The following PDE4B variants were observed in gnomAD, a reference collection of about 807,000 sequenced individuals.
PDE4B encodes the protein 3',5'-cyclic-AMP phosphodiesterase 4B.
In PDE4B, 20 loss-of-function variants were observed where a neutral mutation model predicts 82.2. The observed-to-expected ratio is 0.24, with a 90% confidence interval of 0.17 to 0.35. PDE4B has a LOEUF of 0.35. PDE4B is among the 10% of genes least tolerant of loss of function. The pLI, the probability that PDE4B is intolerant of heterozygous loss-of-function variation, is 1.00. For missense variants in PDE4B, 655 were observed against 907.2 expected (o/e 0.72, Z 3.57); for synonymous variants, 320 against 318.9 (o/e 1.00, Z -0.04).
intron 6 of PDE4B, among the ~76,000 whole-genome samples, chr1:66,258,902 G>T (rs1247471356): frequency 1.3e-5 from 2 of 152,122 alleles, no homozygotes; most frequent in Non-Finnish European, 2.9e-5. Flanking sequence ...AGATGACTCT[G>T]TATACTCTGA....
chr1:66,269,797 A>AT (rs1234463671), intron 7 of PDE4B, among the ~76,000 whole-genome samples: 6 of 152,084 alleles, frequency 3.9e-5, no homozygotes, highest in East Asian at 1.9e-4. Context: ...TTACAAAATG[A>AT]TTTTTTTGCT....
intron 4 of PDE4B, among the ~76,000 whole-genome samples, chr1:66,256,602 A>C (rs1654249170): frequency 6.6e-6 from 1 of 152,218 alleles, no homozygotes; most frequent in Admixed American, 6.5e-5. Flanking sequence ...ATGTCAAGTT[A>C]AAAGCCTATG....
At chr1:65,956,231 G>A (rs936689515) in intron 3 of PDE4B, among the ~76,000 whole-genome samples, 3 of 152,102 alleles carry the variant, frequency 2.0e-5, no homozygotes, top group African/African-American at 2.4e-5. Context: ...ATATATTTAA[G>A]GTTTGGGAAA....
intron 3 of PDE4B, among the ~76,000 whole-genome samples, chr1:66,237,811 A>G (rs1652580148): frequency 6.6e-6 from 1 of 152,200 alleles, no homozygotes; most frequent in Admixed American, 6.5e-5. Context: ...CACACAGTCA[A>G]TTATTCTTTC....
At chr1:66,273,515 GTGCATT>G (rs1322677686) in intron 7 of PDE4B, among the ~76,000 whole-genome samples, 1 of 152,218 alleles carries the variant, frequency 6.6e-6, no homozygotes, top group Non-Finnish European at 1.5e-5. Context: ...CTTCTGGAAA[GTGCATT>G]TTAACCCTTC....
At chr1:66,071,641 C>T (rs1656160123) in intron 3 of PDE4B, among the ~76,000 whole-genome samples, 1 of 152,066 alleles carries the variant, frequency 6.6e-6, no homozygotes, top group Admixed American at 6.6e-5. Context: ...CTGGCTGTCA[C>T]CTCTTGTCAT....
chr1:66,257,413 C>A (rs773218531), intron 4 of PDE4B: 5 of 724,570 alleles, frequency 6.9e-6, no homozygotes, highest in South Asian at 1.4e-5. Context: ...CTTGCAAATG[C>A]TTTTATGTGT....
chr1:65,895,460 G>T (rs1003496162), intron 1 of PDE4B, among the ~76,000 whole-genome samples: 1 of 148,562 alleles, frequency 6.7e-6, no homozygotes, highest in South Asian at 2.2e-4. Flanking sequence ...TGAGGCAGGA[G>T]AATCGCTTGA....
At chr1:66,253,009 G>A (rs1653908687) in intron 4 of PDE4B, among the ~76,000 whole-genome samples, 1 of 152,118 alleles carries the variant, frequency 6.6e-6, no homozygotes, top group African/African-American at 2.4e-5. Flanking sequence ...TAAAAATAAA[G>A]ATACCTACTG....
intron 1 of PDE4B, among the ~76,000 whole-genome samples, chr1:65,906,041 G>A (rs1408748324): frequency 6.6e-6 from 1 of 152,050 alleles, no homozygotes; most frequent in Non-Finnish European, 1.5e-5. Flanking sequence ...TGGAAATGGG[G>A]GTTTTGGATC....
chr1:66,010,040 A>C (rs1569964301), intron 3 of PDE4B, among the ~76,000 whole-genome samples: 1 of 152,118 alleles, frequency 6.6e-6, no homozygotes, highest in Non-Finnish European at 1.5e-5. Flanking sequence ...AACTTTGTCT[A>C]TTTTATTCAT....
chr1:65,982,948 A>G (rs889083037), intron 3 of PDE4B, among the ~76,000 whole-genome samples: 7 of 152,062 alleles, frequency 4.6e-5, no homozygotes, highest in African/African-American at 1.7e-4. Context: ...AAATAGGACC[A>G]CCTCCTTGGT....
At chr1:65,987,270 G>C (rs1194043845) in intron 3 of PDE4B, among the ~76,000 whole-genome samples, 1 of 152,042 alleles carries the variant, frequency 6.6e-6, no homozygotes, top group African/African-American at 2.4e-5. Flanking sequence ...AGGTAGTATG[G>C]GCTAAAACTG....
chr1:66,062,720 T>C (rs1021369630), intron 3 of PDE4B, among the ~76,000 whole-genome samples: 1 of 152,066 alleles, frequency 6.6e-6, no homozygotes, highest in Non-Finnish European at 1.5e-5. Context: ...CAAAGACCCT[T>C]CAATGCTAAA....
intron 8 of PDE4B, among the ~76,000 whole-genome samples, chr1:66,335,444 A>G (rs580436): frequency 0.55 from 83,714 of 152,090 alleles, 23,864 homozygotes; most frequent in East Asian, 0.8. Flanking sequence ...TCTTTACTTC[A>G]TCTAGGTAGG....
intron 1 of PDE4B, among the ~76,000 whole-genome samples, chr1:65,802,863 G>A (rs889969920): frequency 2.6e-5 from 4 of 152,056 alleles, no homozygotes; most frequent in Non-Finnish European, 4.4e-5. Context: ...AAGCAAAAAA[G>A]TCACAATTTC....
chr1:65,980,061 C>T (rs1650606297), intron 3 of PDE4B, among the ~76,000 whole-genome samples: 2 of 152,082 alleles, frequency 1.3e-5, no homozygotes, highest in African/African-American at 2.4e-5. Context: ...TAAAAGCAAA[C>T]AGATCCTGAA....
chr1:66,056,210 A>G (rs953046845), intron 3 of PDE4B, among the ~76,000 whole-genome samples: 4 of 152,170 alleles, frequency 2.6e-5, no homozygotes, highest in African/African-American at 9.7e-5. Context: ...TTTTAATTTC[A>G]ATTGTTATTT....
chr1:66,015,071 A>G (rs1245475610), intron 3 of PDE4B, among the ~76,000 whole-genome samples: 1 of 152,144 alleles, frequency 6.6e-6, no homozygotes, highest in Non-Finnish European at 1.5e-5. Flanking sequence ...ATATACATCC[A>G]GTTAGGTTTT....
Sources: gnomAD v4.1 joint callset for allele counts (sites outside exome capture counted in the v4.1 genomes callset) on GRCh38, gnomAD v4.1.1 for gene constraint, MANE v1.5 for transcripts, NCBI Gene and HGNC (gene_info 2026-07-23, HGNC 2026-07-21) for gene names.